Variants in SMAD3 observed in about 807,000 individuals in gnomAD.
The protein encoded by SMAD3 is MAD homolog 3.
A neutral mutation model predicts 51.8 loss-of-function variants in SMAD3; 12 were observed. That is an observed-to-expected ratio of 0.23 (90% CI 0.15 to 0.38). The LOEUF (loss-of-function observed/expected upper bound fraction) is 0.38. Ranked by LOEUF, SMAD3 falls within the 10% of genes least tolerant of loss-of-function variation. The pLI, the probability that SMAD3 is intolerant of heterozygous loss-of-function variation, is 1.00. For synonymous variants in SMAD3, 238 were observed against 227.7 expected (o/e 1.05, Z -0.41); for missense variants, 294 against 565.6 (o/e 0.52, Z 4.87).
chr15:67,148,740 G>T (rs1223635120), intron 1 of SMAD3, among the ~76,000 whole-genome samples: 1 of 152,224 alleles, frequency 6.6e-6, no homozygotes, highest in Admixed American at 6.5e-5. Context: ...GGGTTCACAA[G>T]GCTGGTGGGC....
At chr15:67,095,595 C>T (rs966844187) in intron 1 of SMAD3, among the ~76,000 whole-genome samples, 1 of 151,918 alleles carries the variant, frequency 6.6e-6, no homozygotes, top group African/African-American at 2.4e-5. Flanking sequence ...TGCAATGGCT[C>T]AATATCGGCT....
At chr15:67,156,587 G>T (rs1962289323) in intron 1 of SMAD3, among the ~76,000 whole-genome samples, 1 of 152,240 alleles carries the variant, frequency 6.6e-6, no homozygotes, top group Non-Finnish European at 1.5e-5. Context: ...AATGATACCT[G>T]CAAGTTAATT....
intron 5 of SMAD3, among the ~76,000 whole-genome samples, chr15:67,180,997 TAAATAAATA>T (rs1963036590): frequency 6.6e-6 from 1 of 151,546 alleles, no homozygotes; most frequent in African/African-American, 2.4e-5. Context: ...AATAAATAAA[TAAATAAATA>T]AAAAGAGAAA....
chr15:67,147,419 G>A (rs1257201145), intron 1 of SMAD3, among the ~76,000 whole-genome samples: 1 of 152,014 alleles, frequency 6.6e-6, no homozygotes, highest in Admixed American at 6.5e-5. Flanking sequence ...TTCTATTTGG[G>A]GCCATAGTTT....
At chr15:67,121,036 A>AT in intron 1 of SMAD3, among the ~76,000 whole-genome samples, 1 of 152,104 alleles carries the variant, frequency 6.6e-6, no homozygotes, top group Non-Finnish European at 1.5e-5. Flanking sequence ...ATATGTTGGG[A>AT]CTTTGTCTTG....
chr15:67,129,260 T>C (rs2098271043), intron 1 of SMAD3, among the ~76,000 whole-genome samples: 1 of 152,176 alleles, frequency 6.6e-6, no homozygotes, highest in Admixed American at 6.5e-5. Context: ...AGCCAAGCAG[T>C]AACTCAGGTT....
chr15:67,153,847 A>G, intron 1 of SMAD3, among the ~76,000 whole-genome samples: 1 of 152,208 alleles, frequency 6.6e-6, no homozygotes, highest in East Asian at 1.9e-4. Context: ...TGCGTGCTTT[A>G]CAGATAATTA....
intron 3 of SMAD3, 134 bp from the exon 4 acceptor site, chr15:67,166,645 C>T (rs2140296576): frequency 7.0e-6 from 5 of 718,364 alleles, no homozygotes; most frequent in South Asian, 6.0e-5. Context: ...GCTGGAACCT[C>T]TACTCCAAGA....
chr15:67,164,015 A>G (rs1005800804), intron 1 of SMAD3, among the ~76,000 whole-genome samples: 3 of 151,812 alleles, frequency 2.0e-5, no homozygotes, highest in Admixed American at 6.6e-5. Context: ...ACAAATAACT[A>G]AAAAAGAAAG....
At chr15:67,148,877 A>C (rs1296017235) in intron 1 of SMAD3, among the ~76,000 whole-genome samples, 1 of 152,238 alleles carries the variant, frequency 6.6e-6, no homozygotes, top group Non-Finnish European at 1.5e-5. Flanking sequence ...GTGACCTGCA[A>C]GCCCCTCGCT....
At chr15:67,145,522 C>G (rs1040598543) in intron 1 of SMAD3, among the ~76,000 whole-genome samples, 3 of 152,182 alleles carry the variant, frequency 2.0e-5, no homozygotes, top group Non-Finnish European at 4.4e-5. Flanking sequence ...AGTGTCCTGA[C>G]CTTGCACAAG....
intron 5 of SMAD3, among the ~76,000 whole-genome samples, chr15:67,178,533 G>A (rs1017964064): frequency 1.3e-5 from 2 of 152,114 alleles, no homozygotes; most frequent in South Asian, 2.1e-4. Context: ...GTGATTGTAC[G>A]GACTACAAAA....
chr15:67,084,808 C>A (rs1373462742), intron 1 of SMAD3, among the ~76,000 whole-genome samples: 2 of 152,170 alleles, frequency 1.3e-5, no homozygotes, highest in Admixed American at 1.3e-4. Flanking sequence ...GCATTCCAAC[C>A]GTAGTGCCAT....
intron 1 of SMAD3, among the ~76,000 whole-genome samples, chr15:67,116,239 C>T (rs1961133009): frequency 6.6e-6 from 1 of 152,150 alleles, no homozygotes; most frequent in Non-Finnish European, 1.5e-5. Flanking sequence ...TGGGCTGCCT[C>T]CAGGTAGAGA....
intron 1 of SMAD3, among the ~76,000 whole-genome samples, chr15:67,119,366 C>A (rs935964690): frequency 6.6e-6 from 1 of 151,524 alleles, no homozygotes; most frequent in Admixed American, 6.6e-5. Context: ...AAGCCCATTG[C>A]AGGGAGGCCC....
At position 67,195,030 on chromosome 15, in the gene SMAD3, T is replaced by C. The variant is rs2140335647; in HGVS notation, c.*4494T>C. 4.3e-6 allele frequency: 1 copy of C among 233,684 alleles called. No individual in the cohort carries two copies. Among genetic ancestry groups the C allele is most frequent in the East Asian group, 6.0e-5 (1 of 16,712 alleles). The allele number at this position is 233,684 out of a possible 1,614,324, so 14.5% of individuals were successfully genotyped here. On this transcript the variant is annotated 3_prime_UTR_variant, in exon 9 of 9. Coordinates refer to ENST00000327367, the MANE Select transcript of SMAD3 (RefSeq NM_005902.4). ...GTAAAAAGCATGTATGTATTTATAG[T>C]GTTTTAGATTTTTCTAACTTTTATA...
chr15:67,126,160 C>T lies in SMAD3; in HGVS notation c.207-38735C>T, dbSNP rs138012395. On this transcript the variant is annotated intron_variant, in intron 1 of 8. Transcript: ENST00000327367. ...GTGTTTGAGAATGTGCACAGCTCAC[C>T]TTCGTTCAGCCCTTTACAGTTTACC... is the stretch of plus-strand genomic sequence containing the variant. Among the ~76,000 whole-genome samples the T allele has an allele frequency of 5.0e-3, 764 of 152,236 alleles. 4 individuals are homozygous for T. Among genetic ancestry groups the T allele is most frequent in the Middle Eastern group, 0.014 (4 of 294 alleles).
intron 1 of SMAD3, among the ~76,000 whole-genome samples, chr15:67,153,265 G>T (rs934495039): frequency 6.6e-6 from 1 of 152,196 alleles, no homozygotes; most frequent in Non-Finnish European, 1.5e-5. Context: ...GCTGGGGCAG[G>T]TGGATCACCT....
rs959443817 is a variant in SMAD3, at chr15:67,192,779, T to C, written c.*2243T>C. On this transcript the variant is annotated 3_prime_UTR_variant, in exon 9 of 9. Transcript: ENST00000327367. ...GGTGAAGGGGGAAAAAAAAAGCCTA[T>C]ACTTTGGCAGGTTATGAACTTTGAA... 6 of 233,044 alleles carry C rather than the reference T, an allele frequency of 2.6e-5. No homozygotes were observed. The highest frequency in any genetic ancestry group is 1.1e-4 in the Admixed American group (2 of 17,782). The allele number at this position is 233,044 out of a possible 1,614,324, so 14.4% of individuals were successfully genotyped here.
Sources: allele counts gnomAD v4.1 joint callset (sites outside exome capture counted in the v4.1 genomes callset), GRCh38; gene constraint gnomAD v4.1.1; transcripts MANE v1.5; gene names NCBI Gene and HGNC (gene_info 2026-07-23, HGNC 2026-07-21).